The following DOCK7 variants were observed in gnomAD, a reference collection of about 807,000 sequenced individuals.
DOCK7 encodes dedicator of cytokinesis protein 7.
A neutral mutation model predicts 271.0 loss-of-function variants in DOCK7; 138 were observed. The ratio of observed to expected loss-of-function variants is 0.51; its 90% CI spans 0.44 to 0.59. The LOEUF (loss-of-function observed/expected upper bound fraction) is 0.59, where lower values mean the gene tolerates loss of function less well. DOCK7 is among the 20% of genes least tolerant of loss of function. DOCK7 has a pLI of 0.00. For synonymous variants in DOCK7, 823 were observed against 876.1 expected (o/e 0.94, Z 1.07); for missense variants, 2,066 against 2,592.4 (o/e 0.80, Z 4.41).
chr1:62,603,458 A>T (rs983050199), intron 14 of DOCK7, among the ~76,000 whole-genome samples: 1 of 151,786 alleles, frequency 6.6e-6, no homozygotes, highest in Non-Finnish European at 1.5e-5. Context: ...ATTTAAAATG[A>T]TTTTTTAAAT....
In DOCK7 at chr1:62,499,431, A is replaced by T. The variant is rs1356904699; in HGVS notation, c.4765-2934T>A. On this transcript the variant is annotated intron_variant, in intron 37 of 49. Coordinates refer to ENST00000635253, the MANE Select transcript of DOCK7 (RefSeq NM_001367561.1). ...TTTATCAAAATGAGGAGTCAGATAT[A>T]ATTCATTTATTAGAAAAATGGGAGG... is the stretch of plus-strand genomic sequence containing the variant. Among the ~76,000 whole-genome samples, 4 of 152,206 alleles carry T rather than the reference A, an allele frequency of 2.6e-5. No homozygotes were observed. The East Asian group carries it at 5.8e-4, about 22-fold the overall frequency.
rs900774879 is a variant in DOCK7, at chr1:62,505,883, C to T, written c.4477-67G>A. 4 of 1,495,856 alleles carry T rather than the reference C, an allele frequency of 2.7e-6. No homozygotes were observed. The African/African-American group carries it at 4.3e-5, about 16-fold the overall frequency. The allele number at this position is 1,495,856 out of a possible 1,614,324, so 92.7% of individuals were successfully genotyped here. A position where few individuals can be genotyped will look rare whatever the true frequency, so the allele number is the denominator to read the frequency against. ...CAATTTAGTTATGGATGTTACAGGC[C>T]TCCCTATGTATAAATAAAGGCCTCC... On this transcript the variant is annotated intron_variant, in intron 35 of 49. Transcript: ENST00000635253.
At chr1:62,649,817 T>C (rs1008712465) in intron 4 of DOCK7, among the ~76,000 whole-genome samples, 7 of 152,202 alleles carry the variant, frequency 4.6e-5, no homozygotes, top group African/African-American at 1.7e-4. Flanking sequence ...ATTTCTAGCA[T>C]GCTTTCAATA....
intron 18 of DOCK7, among the ~76,000 whole-genome samples, chr1:62,567,197 G>A (rs1250739043): frequency 6.6e-6 from 1 of 152,146 alleles, no homozygotes. Context: ...CCATTACTGG[G>A]TATATACCCA....
chr1:62,533,268 G>A (rs935771769), intron 29 of DOCK7, among the ~76,000 whole-genome samples: 4 of 151,980 alleles, frequency 2.6e-5, no homozygotes, highest in African/African-American at 9.7e-5. Context: ...AAAGCCAGCT[G>A]GAGGAAGAAT....
chr1:62,529,854 T>C (rs752068307), intron 29 of DOCK7, among the ~76,000 whole-genome samples: 6 of 152,188 alleles, frequency 3.9e-5, no homozygotes, highest in Non-Finnish European at 8.8e-5. Flanking sequence ...AAAAATAAAT[T>C]ATTCCCTTTT....
intron 43 of DOCK7, chr1:62,484,210 G>A (rs1646226541): frequency 6.6e-6 from 1 of 151,742 alleles, no homozygotes; most frequent in African/African-American, 2.4e-5. Flanking sequence ...TGAGAGTTAA[G>A]ATATAGTCAA....
chr1:62,476,692 C>T (rs1389340024), intron 44 of DOCK7, among the ~76,000 whole-genome samples: 2 of 152,142 alleles, frequency 1.3e-5, no homozygotes, highest in Admixed American at 1.3e-4. Flanking sequence ...AATATAGTGA[C>T]TACTCCATAT....
intron 34 of DOCK7, among the ~76,000 whole-genome samples, chr1:62,508,805 T>C (rs1316052760): frequency 6.6e-6 from 1 of 152,180 alleles, no homozygotes; most frequent in Admixed American, 6.5e-5. Context: ...AATACTAATA[T>C]TTGTAAAAGT....
At chr1:62,579,158 T>C (rs2149484906) in intron 16 of DOCK7, among the ~76,000 whole-genome samples, 192 bp from the exon 17 acceptor site, 1 of 152,314 alleles carries the variant, frequency 6.6e-6, no homozygotes, top group South Asian at 2.1e-4. Context: ...CCACTGTTTC[T>C]GAAATTTCTC....
intron 33 of DOCK7, among the ~76,000 whole-genome samples, chr1:62,511,791 T>C (rs755438880): frequency 4.3e-4 from 66 of 152,160 alleles, no homozygotes; most frequent in Non-Finnish European, 4.7e-4. Context: ...TATATTAAGA[T>C]AGTTAGCAAA....
intron 14 of DOCK7, among the ~76,000 whole-genome samples, chr1:62,612,749 T>C (rs1651950634): frequency 6.6e-6 from 1 of 152,224 alleles, no homozygotes; most frequent in Non-Finnish European, 1.5e-5. Context: ...AATCCTTTTG[T>C]TTCTCACCCT....
At chr1:62,682,574 T>C (rs1661293318) in intron 1 of DOCK7, among the ~76,000 whole-genome samples, 1 of 151,882 alleles carries the variant, frequency 6.6e-6, no homozygotes, top group South Asian at 2.1e-4. Context: ...ATGAAATCAG[T>C]GATGAAGAAA....
At chr1:62,527,539 A>G (rs1445128335) in intron 31 of DOCK7, among the ~76,000 whole-genome samples, 3 of 152,170 alleles carry the variant, frequency 2.0e-5, no homozygotes, top group African/African-American at 7.2e-5. Flanking sequence ...CAGCCATAAA[A>G]AATGATGAGT....
chr1:62,485,359 C>T, intron 43 of DOCK7: 1 of 985,376 alleles, frequency 1.0e-6, no homozygotes, highest in Non-Finnish European at 1.2e-6. Flanking sequence ...CACACACACA[C>T]ACCCTTCTAA....
chr1:62,540,103 T>G (rs2149394454), intron 25 of DOCK7, among the ~76,000 whole-genome samples: 1 of 151,932 alleles, frequency 6.6e-6, no homozygotes, highest in South Asian at 2.1e-4. Context: ...TTCAGAAAAT[T>G]ATGCTAGCTA....
intron 18 of DOCK7, among the ~76,000 whole-genome samples, chr1:62,572,000 A>G (rs886817764): frequency 2.0e-5 from 3 of 152,208 alleles, no homozygotes; most frequent in African/African-American, 7.2e-5. Context: ...GCAAATCACC[A>G]TGGCACATGT....
chr1:62,511,298 T>C (rs958118276), intron 33 of DOCK7: 5 of 152,210 alleles, frequency 3.3e-5, no homozygotes, highest in African/African-American at 1.2e-4. Context: ...GTTTCTAGGT[T>C]TGAAGGCAGA....
At chr1:62,684,212 TAA>T (rs58337673) in intron 1 of DOCK7, among the ~76,000 whole-genome samples, 94 of 143,618 alleles carry the variant, frequency 6.5e-4, no homozygotes, top group Admixed American at 8.3e-4. Flanking sequence ...AACTCCATCT[TAA>T]AAAAAAAAAA....
Sources: gnomAD v4.1 joint callset for allele counts (sites outside exome capture counted in the v4.1 genomes callset) on GRCh38, gnomAD v4.1.1 for gene constraint, MANE v1.5 for transcripts, NCBI Gene and HGNC (gene_info 2026-07-23, HGNC 2026-07-21) for gene names.